PLCL1: variants seen among roughly 807,000 people sequenced by gnomAD.
PLCL1 encodes the protein phospholipase C like 1 (inactive).
PLCL1 carries 41 observed loss-of-function variants against 84.4 expected under a neutral mutation model. That is an observed-to-expected ratio of 0.49 (90% CI 0.38 to 0.63). The LOEUF is 0.63. Ranked by LOEUF, PLCL1 falls within the 30% of genes least tolerant of loss-of-function variation. The pLI, the probability that PLCL1 is intolerant of heterozygous loss-of-function variation, is 0.00. For synonymous variants in PLCL1, 490 were observed against 488.3 expected (o/e 1.00, Z -0.05); for missense variants, 1,206 against 1,367.8 (o/e 0.88, Z 1.87).
chr2:198,142,796 T>A (rs1483505920), intron 5 of PLCL1, among the ~76,000 whole-genome samples: 1 of 151,628 alleles, frequency 6.6e-6, no homozygotes, highest in Non-Finnish European at 1.5e-5. Context: ...AGCATCCTTC[T>A]CTTTTTTTTT....
chr2:198,064,207 A>G (rs187310006), intron 1 of PLCL1, among the ~76,000 whole-genome samples: 4 of 152,274 alleles, frequency 2.6e-5, no homozygotes, highest in Admixed American at 2.6e-4. Flanking sequence ...GCAATTAACA[A>G]AACTAAAACA....
At chr2:198,061,060 C>A (rs1435468283) in intron 1 of PLCL1, among the ~76,000 whole-genome samples, 1 of 152,078 alleles carries the variant, frequency 6.6e-6, no homozygotes, top group Non-Finnish European at 1.5e-5. Context: ...GACTGCAAAT[C>A]AACCCAGCCA....
chr2:198,077,819 C>T (rs891121172), intron 1 of PLCL1, among the ~76,000 whole-genome samples: 14 of 152,158 alleles, frequency 9.2e-5, no homozygotes, highest in Non-Finnish European at 1.9e-4. Flanking sequence ...CCTGATATTT[C>T]ATACCTCATT....
At chr2:197,894,231 G>A (rs1688089123) in intron 1 of PLCL1, among the ~76,000 whole-genome samples, 1 of 151,980 alleles carries the variant, frequency 6.6e-6, no homozygotes, top group South Asian at 2.1e-4. Context: ...CTTAAAAGTA[G>A]AGGCAGGCAA....
At chr2:197,928,300 A>G (rs1688871202) in intron 1 of PLCL1, among the ~76,000 whole-genome samples, 1 of 152,154 alleles carries the variant, frequency 6.6e-6, no homozygotes, top group African/African-American at 2.4e-5. Flanking sequence ...TTGACTCTGT[A>G]CTCAGTGGCA....
intron 1 of PLCL1, among the ~76,000 whole-genome samples, chr2:197,946,625 C>T (rs140597014): frequency 1.0e-3 from 159 of 152,214 alleles, no homozygotes; most frequent in Non-Finnish European, 1.9e-3. Context: ...ACTCTGGGGG[C>T]AGGATTGTCT....
chr2:197,918,349 A>G (rs1417961989), intron 1 of PLCL1, among the ~76,000 whole-genome samples: 1 of 152,210 alleles, frequency 6.6e-6, no homozygotes, highest in Non-Finnish European at 1.5e-5. Context: ...AACTAACTGC[A>G]GTGTGGTTTC....
chr2:197,854,578 A>T, intron 1 of PLCL1, among the ~76,000 whole-genome samples: 1 of 152,338 alleles, frequency 6.6e-6, no homozygotes, highest in South Asian at 2.1e-4. Flanking sequence ...TGGATGCCAT[A>T]ATTTATGTTA....
rs1559010684 is a variant in PLCL1 at position 197,805,313 on chromosome 2, AC to A, written c.220del (p.Arg74GlyfsTer48). 33 of 1,299,504 alleles carry A rather than the reference AC, an allele frequency of 2.5e-5. No individual in the cohort carries two copies. The South Asian group carries it at 2.6e-4, about 10-fold the overall frequency. The allele number at this position is 1,299,504 out of a possible 1,614,324, so 80.5% of individuals were successfully genotyped here. A position where few individuals can be genotyped will look rare whatever the true frequency, so the allele number is the denominator to read the frequency against. On this transcript the variant is annotated frameshift_variant, in exon 1 of 6. Transcript: ENST00000428675. LOFTEE classifies it high-confidence loss of function. This position sits in a 1 kb window ranked among gnomAD's most constrained non-coding sequence, Gnocchi z 4.0. ...EAGLLEAARA[T>X]PRRSSIIKDP... is the part of the protein sequence containing the mutation. ...GGGCCTCCTGGAGGCAGCACGGGCG[AC>A]CCCCCGGCGCAGCAGCATCATCAAG... is the stretch of plus-strand genomic sequence containing the variant.
At chr2:197,937,595 CT>C (rs1398094934) in intron 1 of PLCL1, among the ~76,000 whole-genome samples, 6 of 152,190 alleles carry the variant, frequency 3.9e-5, no homozygotes, top group African/African-American at 1.4e-4. Flanking sequence ...TCACCAGCTA[CT>C]TCTGTTGATT....
rs1349726312 is a variant in PLCL1 at position 197,805,766 on chromosome 2, C to A, written c.240+427C>A. Among the ~76,000 whole-genome samples, 2 of 152,166 alleles carry A rather than the reference C, an allele frequency of 1.3e-5. No homozygotes were observed. The highest frequency in any genetic ancestry group is 4.8e-5 in the African/African-American group (2 of 41,448). On this transcript the variant is annotated intron_variant, in intron 1 of 5. Transcript: ENST00000428675. This position sits in a 1 kb window ranked among gnomAD's most constrained non-coding sequence, Gnocchi z 4.0. ...TTACTCTCAAGTGTAAAAAAAGAAT[C>A]CCTCTAGACTTAAATGATCCCGAAA...
At chr2:198,024,638 CT>C (rs1270214474) in intron 1 of PLCL1, among the ~76,000 whole-genome samples, 1 of 152,016 alleles carries the variant, frequency 6.6e-6, no homozygotes, top group African/African-American at 2.4e-5. Flanking sequence ...TGACACATGC[CT>C]GTGATCCCTG....
At chr2:198,099,608 A>G (rs1029745246) in intron 3 of PLCL1, among the ~76,000 whole-genome samples, 2 of 152,186 alleles carry the variant, frequency 1.3e-5, no homozygotes, top group Admixed American at 6.5e-5. Flanking sequence ...ACACAATTTG[A>G]GACTTTTATT....
intron 1 of PLCL1, among the ~76,000 whole-genome samples, chr2:198,067,039 T>C (rs185797238): frequency 1.0e-3 from 158 of 152,266 alleles, no homozygotes; most frequent in African/African-American, 3.6e-3. Context: ...TGACACTAAA[T>C]TGGGACTCCA....
chr2:197,884,788 T>A (rs1687888427), intron 1 of PLCL1, among the ~76,000 whole-genome samples: 1 of 152,220 alleles, frequency 6.6e-6, no homozygotes, highest in Admixed American at 6.5e-5. Context: ...CATCATCTCT[T>A]ATCTGGATTC....
chr2:197,963,030 C>T lies in PLCL1; in HGVS notation c.241-120728C>T, dbSNP rs147661325. Reference sequence around the variant, plus strand: ...TAGGCTATTGTGAACAGTGTTGCAGCGAACATGGGAGTACAGATATCTCTT... The same window carrying T: ...TAGGCTATTGTGAACAGTGTTGCAGTGAACATGGGAGTACAGATATCTCTT... On this transcript the variant is annotated intron_variant, in intron 1 of 5. Transcript: ENST00000428675. Among the ~76,000 whole-genome samples the T allele has an allele frequency of 1.1e-4, 16 of 152,074 alleles. No homozygotes were observed. In the East Asian group the frequency reaches 1.7e-3, roughly 17 times the overall value.
At chr2:197,997,975 T>C (rs1690506184) in intron 1 of PLCL1, among the ~76,000 whole-genome samples, 1 of 152,158 alleles carries the variant, frequency 6.6e-6, no homozygotes, top group Admixed American at 6.5e-5. Flanking sequence ...TCTTTTCAGT[T>C]ATAGCCTTTA....
intron 1 of PLCL1, among the ~76,000 whole-genome samples, chr2:198,026,655 A>G (rs1284416532): frequency 1.3e-5 from 2 of 152,254 alleles, no homozygotes; most frequent in Non-Finnish European, 2.9e-5. Context: ...TTAACTAGAA[A>G]GAAAACAAAT....
At chr2:198,066,463 C>T (rs1692321525) in intron 1 of PLCL1, among the ~76,000 whole-genome samples, 1 of 151,534 alleles carries the variant, frequency 6.6e-6, no homozygotes, top group South Asian at 2.1e-4. Context: ...TCATCAGTAG[C>T]TCCTCAAATA....
Sources: gnomAD v4.1 joint callset for allele counts (sites outside exome capture counted in the v4.1 genomes callset) on GRCh38, gnomAD v4.1.1 for gene constraint, Gnocchi (gnomAD v3.1) non-coding constraint, MANE v1.5 for transcripts, NCBI Gene and HGNC (gene_info 2026-07-23, HGNC 2026-07-21) for gene names.